The following YEATS4 variants were observed in gnomAD, a reference collection of about 807,000 sequenced individuals.
YEATS4 encodes the protein YEATS domain containing 4.
Under a neutral mutation model 30.1 loss-of-function variants are expected in YEATS4, and 17 were observed. The observed-to-expected ratio is 0.56, with a 90% CI of 0.39 to 0.85. The LOEUF is 0.85. YEATS4 is among the 40% of genes least tolerant of loss of function. YEATS4 has a pLI of 0.00. For missense variants in YEATS4, 142 were observed against 268.3 expected (o/e 0.53, Z 3.29); for synonymous variants, 85 against 87.5 (o/e 0.97, Z 0.16).
intron 6 of YEATS4, among the ~76,000 whole-genome samples, chr12:69,381,634 T>C (rs1488724961): frequency 6.6e-6 from 1 of 152,162 alleles, no homozygotes; most frequent in East Asian, 1.9e-4. Flanking sequence ...TGTTCAGAGA[T>C]TGTAGTAAAG....
At chr12:69,382,863 C>G (rs1347221928) in intron 6 of YEATS4, among the ~76,000 whole-genome samples, 3 of 152,146 alleles carry the variant, frequency 2.0e-5, no homozygotes, top group African/African-American at 7.2e-5. Flanking sequence ...GAAAGAAAAG[C>G]AAAGGATGAC....
At chr12:69,362,732 T>C in intron 1 of YEATS4, 56 bp from the exon 2 acceptor site, 1 of 1,383,820 alleles carries the variant, frequency 7.2e-7, no homozygotes, top group Non-Finnish European at 9.7e-7. Context: ...GCTCTTATTC[T>C]GCATATTTAG....
chr12:69,370,878 A>T lies in YEATS4; in HGVS notation c.427-10A>T, dbSNP rs759988167. 4.4e-6 allele frequency: 7 copies of T among 1,608,642 alleles called. No homozygotes were observed. Among genetic ancestry groups the T allele is most frequent in the Non-Finnish European group, 5.9e-6 (7 of 1,178,588 alleles). ...AAGTTATTGGGTTTTTGTTCATTTT[A>T]TCCCATTAGATATTTCAAGACCCAA... On this transcript the variant is annotated splice_polypyrimidine_tract_variant and intron_variant, in intron 5 of 6. Coordinates refer to ENST00000247843, the MANE Select transcript of YEATS4 (RefSeq NM_006530.4).
intron 6 of YEATS4, among the ~76,000 whole-genome samples, chr12:69,386,114 A>T (rs1293471834): frequency 1.3e-5 from 2 of 152,246 alleles, no homozygotes; most frequent in African/African-American, 4.8e-5. Flanking sequence ...TAAGCATTTA[A>T]CACATAGGAA....
chr12:69,364,428 T>C (rs114006924), intron 2 of YEATS4: 34 of 169,294 alleles, frequency 2.0e-4, no homozygotes, highest in African/African-American at 6.7e-4. Context: ...GAATGTGACT[T>C]ATTGCTTTGC....
downstream of YEATS4, among the ~76,000 whole-genome samples, chr12:69,393,810 C>T (rs891186347): frequency 1.3e-5 from 2 of 152,092 alleles, no homozygotes; most frequent in African/African-American, 2.4e-5. Context: ...TCTGAACTCT[C>T]GTGTGTGCTT....
chr12:69,385,478 T>C (rs538157738), intron 6 of YEATS4, among the ~76,000 whole-genome samples: 1 of 152,332 alleles, frequency 6.6e-6, no homozygotes, highest in South Asian at 2.1e-4. Flanking sequence ...ATTTGTATTC[T>C]TCTGAGTCTG....
chr12:69,360,326 G>C (rs1875143574), intron 1 of YEATS4, among the ~76,000 whole-genome samples: 1 of 152,220 alleles, frequency 6.6e-6, no homozygotes, highest in East Asian at 1.9e-4. Context: ...GGAAAGCTCA[G>C]CTTGGTGCAC....
intron 6 of YEATS4, among the ~76,000 whole-genome samples, chr12:69,374,563 C>T (rs572039696): frequency 7.8e-4 from 119 of 152,148 alleles, no homozygotes; most frequent in African/African-American, 2.6e-3. Flanking sequence ...GCTGCCTTCC[C>T]GCAGTGTTTG....
At chr12:69,401,347 A>G in the YEATS4 span, 2 of 152,260 alleles carry the variant, frequency 1.3e-5, no homozygotes, top group East Asian at 3.8e-4. Flanking sequence ...ACATAATTTC[A>G]TGTAAATTCT....
At chr12:69,384,309 A>G (rs1043222311) in intron 6 of YEATS4, among the ~76,000 whole-genome samples, 3 of 44,190 alleles carry the variant, frequency 6.8e-5, no homozygotes, top group Admixed American at 6.7e-4. Context: ...TGACAAAACT[A>G]TCATTTATTT....
chr12:69,382,303 CG>C, intron 6 of YEATS4, among the ~76,000 whole-genome samples: 1 of 152,098 alleles, frequency 6.6e-6, no homozygotes, highest in Admixed American at 6.5e-5. Flanking sequence ...CCCTGGGCTG[CG>C]GGTAGGTCCA....
chr12:69,407,598 C>T, the YEATS4 span, among the ~76,000 whole-genome samples: 3 of 151,120 alleles, frequency 2.0e-5, no homozygotes, highest in African/African-American at 4.9e-5. Context: ...CAGAAAACTC[C>T]GTGCAGGATA....
intron 6 of YEATS4, among the ~76,000 whole-genome samples, chr12:69,376,823 T>C (rs1221675614): frequency 6.6e-6 from 1 of 152,228 alleles, no homozygotes; most frequent in Admixed American, 6.5e-5. Context: ...AGTGAAGCCA[T>C]TGGGTCCTGG....
At chr12:69,411,458 T>C in the YEATS4 span, among the ~76,000 whole-genome samples, 1 of 152,214 alleles carries the variant, frequency 6.6e-6, no homozygotes, top group African/African-American at 2.4e-5. Context: ...CTTGTGAATA[T>C]GTCAGCAAAT....
At chr12:69,414,960 G>C in the YEATS4 span, among the ~76,000 whole-genome samples, 1 of 152,152 alleles carries the variant, frequency 6.6e-6, no homozygotes, top group Non-Finnish European at 1.5e-5. Context: ...CTCCATCAAT[G>C]TATTATAGAG....
At chr12:69,375,028 G>A (rs1174388902) in intron 6 of YEATS4, among the ~76,000 whole-genome samples, 19 of 150,584 alleles carry the variant, frequency 1.3e-4, no homozygotes, top group African/African-American at 4.2e-4. Flanking sequence ...CCCGGACGGG[G>A]CAGCTGGCCG....
chr12:69,417,929 A>G, the YEATS4 span, among the ~76,000 whole-genome samples: 1 of 152,080 alleles, frequency 6.6e-6, no homozygotes, highest in African/African-American at 2.4e-5. Context: ...CTGATGGGGA[A>G]ATCTTTTCTC....
the YEATS4 span, among the ~76,000 whole-genome samples, chr12:69,402,144 C>T: frequency 1.3e-5 from 2 of 152,142 alleles, 1 homozygote; most frequent in South Asian, 4.1e-4. Flanking sequence ...TTCCAGGGCC[C>T]GTCCTGGAAC....
Sources: allele counts gnomAD v4.1 joint callset (sites outside exome capture counted in the v4.1 genomes callset), GRCh38; gene constraint gnomAD v4.1.1; transcripts MANE v1.5; gene names NCBI Gene and HGNC (gene_info 2026-07-23, HGNC 2026-07-21).